Variants in FCHO1 observed in about 807,000 individuals in gnomAD.
The protein encoded by FCHO1 is F-BAR domain only protein 1.
Under a neutral mutation model 114.4 loss-of-function variants are expected in FCHO1, and 45 were observed. That is an observed-to-expected ratio of 0.39 (90% CI 0.31 to 0.50). The LOEUF (loss-of-function observed/expected upper bound fraction) is 0.50, where lower values mean the gene tolerates loss of function less well. Ranked by LOEUF, FCHO1 falls within the 20% of genes least tolerant of loss-of-function variation. The pLI is 0.77. For missense variants in FCHO1, 1,042 were observed against 1,209.6 expected (o/e 0.86, Z 2.06); for synonymous variants, 480 against 488.9 (o/e 0.98, Z 0.24).
Position 17,753,235 on chromosome 19 carries a change from G to T in FCHO1, c.-182-1082G>T, listed in dbSNP as rs557573138. ...TAGGGCTTTTCCCCTAGGGATGTCA[G>T]TGTAGCATGCTCACCACCCTACCCC... On this transcript the variant is annotated intron_variant, in intron 1 of 28. Transcript: ENST00000596536. 1.4e-4 allele frequency among the ~76,000 whole-genome samples: 21 copies of T among 152,348 alleles called. No individual in the cohort carries two copies. In the East Asian group the frequency reaches 3.9e-3, roughly 28 times the overall value.
chr19:17,781,495 G>T lies in FCHO1; in HGVS notation c.1784G>T (p.Ser595Ile), dbSNP rs751315326. 5 of 1,614,042 alleles carry T rather than the reference G, an allele frequency of 3.1e-6. No individual in the cohort carries two copies. The highest frequency in any genetic ancestry group is 4.2e-6 in the Non-Finnish European group (5 of 1,180,010). Reference protein sequence around the residue: ...SPSPLGSSAASTALERPSFLS... With the variant: ...SPSPLGSSAAITALERPSFLS... ...TCCCCACTGGGCTCTTCAGCCGCCA[G>T]CACTGCCTTGGAACGGCCCAGCTTC... The change falls in exon 22 of 29, where the codon AGC becomes ATC. Residue 595 changes from serine (S) to isoleucine (I), a missense_variant. Transcript: ENST00000596536.
In FCHO1 at chr19:17,784,163, C is replaced by T. The variant is rs759256252; in HGVS notation, c.2154C>T (p.Thr718=). 64 of 1,613,932 alleles carry T rather than the reference C, an allele frequency of 4.0e-5. No individual in the cohort carries two copies. The highest frequency in any genetic ancestry group is 3.6e-4 in the South Asian group (33 of 91,086). ...KDFWLNMAAL[T]EALQRQAEQN... is the part of the protein sequence containing the mutation. ...TCTGGCTCAACATGGCAGCTCTGAC[C>T]GAAGCCCTGCAGCGCCAGGCAGAGC... Residue 718 remains threonine, a synonymous_variant, in exon 25 of 29, where the codon ACC becomes ACT. Transcript: ENST00000596536. This position sits in a 1 kb window ranked among gnomAD's most constrained non-coding sequence, Gnocchi z 5.3.
intron 4 of FCHO1, among the ~76,000 whole-genome samples, chr19:17,757,915 CAAAA>C (rs71162192): frequency 2.1e-4 from 16 of 77,900 alleles, no homozygotes; most frequent in African/African-American, 4.1e-4. Context: ...GACCCTGTCT[CAAAA>C]AAAAAAAAAA....
At position 17,787,671 on chromosome 19, in the gene FCHO1, G is replaced by T; in HGVS notation, c.2483-11G>T. Reference sequence around the variant, plus strand: ...TGGTGCCAGGGCGCAGCTGACTGCAGGTCTCCCCAGGTTCTGGCCGCCTCT... The same window carrying T: ...TGGTGCCAGGGCGCAGCTGACTGCATGTCTCCCCAGGTTCTGGCCGCCTCT... On this transcript the variant is annotated splice_polypyrimidine_tract_variant and intron_variant, in intron 27 of 28. Coordinates refer to ENST00000596536, the MANE Select transcript of FCHO1 (RefSeq NM_015122.3). The T allele has an allele frequency of 1.9e-6, 3 of 1,548,644 alleles. No individual in the cohort carries two copies. The South Asian group carries it at 3.6e-5, about 18-fold the overall frequency.
Position 17,775,192 on chromosome 19 carries a change from G to T in FCHO1, c.945+112G>T. 1 of 1,242,226 alleles carries T rather than the reference G, an allele frequency of 8.1e-7. No homozygotes were observed. 77.0% of individuals were successfully genotyped at this position (1,242,226 alleles called of 1,614,324 possible). A position where few individuals can be genotyped will look rare whatever the true frequency, so the allele number is the denominator to read the frequency against. On this transcript the variant is annotated intron_variant, in intron 14 of 28. Coordinates refer to ENST00000596536, the MANE Select transcript of FCHO1 (RefSeq NM_015122.3). This position sits in a 1 kb window ranked among gnomAD's most constrained non-coding sequence, Gnocchi z 5.1. Reference sequence around the variant, plus strand: ...GAAACTAAAGAGCCGAGATTGAGGGGCGGGCTGGAGCCTGGGGGCTGGGTT... The same window carrying T: ...GAAACTAAAGAGCCGAGATTGAGGGTCGGGCTGGAGCCTGGGGGCTGGGTT...
At chr19:17,765,068 A>G (rs2088287236) in intron 6 of FCHO1, among the ~76,000 whole-genome samples, 1 of 147,092 alleles carries the variant, frequency 6.8e-6, no homozygotes, top group African/African-American at 2.5e-5. Flanking sequence ...TCTGTTTTGA[A>G]AAAAAAAAAA....
At chr19:17,750,822 C>CTTTTTTT (rs1326515643), upstream of FCHO1, among the ~76,000 whole-genome samples, 3 of 143,788 alleles carry the variant, frequency 2.1e-5, no homozygotes, top group African/African-American at 2.6e-5. Context: ...CTTCCCCTTT[C>CTTTTTTT]TTTTCTTTTT....
At chr19:17,757,365 G>A (rs901486622) in intron 4 of FCHO1, among the ~76,000 whole-genome samples, 2 of 152,132 alleles carry the variant, frequency 1.3e-5, no homozygotes, top group Non-Finnish European at 1.5e-5. Context: ...CGGGCCAGCA[G>A]TTGGCTCTGA....
intron 27 of FCHO1, among the ~76,000 whole-genome samples, 192 bp from the exon 28 acceptor site, chr19:17,787,490 G>T (rs1044966983): frequency 6.6e-5 from 10 of 152,160 alleles, no homozygotes; most frequent in Non-Finnish European, 1.3e-4. Flanking sequence ...AGGCCCTGAG[G>T]CAGGACTCCC....
At chr19:17,750,261 T>TCCCAAGTC (rs2081566641), upstream of FCHO1, among the ~76,000 whole-genome samples, 1 of 152,158 alleles carries the variant, frequency 6.6e-6, no homozygotes, top group African/African-American at 2.4e-5. Flanking sequence ...ACTTGGGTTC[T>TCCCAAGTC]AGCAGGGCTG....
At position 17,788,360 on chromosome 19, in the gene FCHO1, AC is replaced by A. The variant is rs2147615008; in HGVS notation, c.*59del. Reference sequence around the variant, plus strand: ...CACTGCGCCCTGGTGCTGGCTGACCACCCCCTGCCCTCCTGCCGGACCCTGG... The same window carrying A: ...CACTGCGCCCTGGTGCTGGCTGACCACCCCTGCCCTCCTGCCGGACCCTGG... On this transcript the variant is annotated 3_prime_UTR_variant, in exon 29 of 29. Transcript: ENST00000596536. The A allele has an allele frequency of 6.3e-6, 9 of 1,429,052 alleles. No individual in the cohort carries two copies. The highest frequency in any genetic ancestry group is 7.7e-6 in the Non-Finnish European group (8 of 1,032,852). The allele number at this position is 1,429,052 out of a possible 1,614,324, so 88.5% of individuals were successfully genotyped here.
At chr19:17,768,393 A>G (rs902152045) in intron 7 of FCHO1, among the ~76,000 whole-genome samples, 10 of 150,890 alleles carry the variant, frequency 6.6e-5, no homozygotes, top group African/African-American at 2.4e-4. Flanking sequence ...AATTTTTTGT[A>G]TAGAAGGGAT....
At chr19:17,750,963 T>A (rs567181419), upstream of FCHO1, among the ~76,000 whole-genome samples, 4 of 151,864 alleles carry the variant, frequency 2.6e-5, no homozygotes, top group African/African-American at 9.7e-5. Context: ...TGCCTCAGCC[T>A]CCTGAGTAGC....
Position 17,784,343 on chromosome 19 carries a change from T to C in FCHO1, c.2226+108T>C. ...GTTGGCCAGGCTGGTCTCGAATTCC[T>C]GACCTCAAGAGATCCAATCTGTGAG... On this transcript the variant is annotated intron_variant, in intron 25 of 28. Coordinates refer to ENST00000596536, the MANE Select transcript of FCHO1 (RefSeq NM_015122.3). The surrounding 1 kb of genome is among the most constrained non-coding windows in gnomAD (Gnocchi z 5.3). The C allele has an allele frequency of 7.3e-7, 1 of 1,371,444 alleles. No individual in the cohort carries two copies. The highest frequency in any genetic ancestry group is 9.9e-7 in the Non-Finnish European group (1 of 1,011,864). The allele number at this position is 1,371,444 out of a possible 1,614,324, so 85.0% of individuals were successfully genotyped here.
Position 17,764,425 on chromosome 19 carries a change from T to C in FCHO1, c.170T>C (p.Leu57Pro). The change falls in exon 6 of 29, where the codon CTG (leucine) becomes CCG (proline). Residue 57 changes from leucine to proline, a missense_variant. Around this residue, in one of 3 missense-constraint regions of FCHO1, gnomAD observed 450 missense variants for 564.1 expected, o/e 0.80. Coordinates refer to ENST00000596536, the MANE Select transcript of FCHO1 (RefSeq NM_015122.3). ...AAGGCGATGGCGAAACTCTCCAAGC[T>C]GGCCAGCAACGGGACCCCCATGGGG... is the stretch of plus-strand genomic sequence containing the variant. ...YSKAMAKLSK[L>P]ASNGTPMGTF... is the part of the protein sequence containing the mutation. 1 of 1,613,390 alleles carries C rather than the reference T, an allele frequency of 6.2e-7. No individual in the cohort carries two copies. The highest frequency in any genetic ancestry group is 8.5e-7 in the Non-Finnish European group (1 of 1,179,752).
rs1281154679 is a variant in FCHO1 at position 17,788,330 on chromosome 19, C to A, written c.*24C>A. 7 of 1,567,150 alleles carry A rather than the reference C, an allele frequency of 4.5e-6. No individual in the cohort carries two copies. The highest frequency in any genetic ancestry group is 3.6e-5 in the Admixed American group (2 of 56,232). Reference sequence around the variant, plus strand: ...GAACCCGCAAATGCTGCTGCCCCAGCTCTACACTGCGCCCTGGTGCTGGCT... The same window carrying A: ...GAACCCGCAAATGCTGCTGCCCCAGATCTACACTGCGCCCTGGTGCTGGCT... On this transcript the variant is annotated 3_prime_UTR_variant, in exon 29 of 29. Coordinates refer to ENST00000596536, the MANE Select transcript of FCHO1 (RefSeq NM_015122.3).
At chr19:17,787,204 A>G (rs2093979426) in intron 27 of FCHO1, among the ~76,000 whole-genome samples, 1 of 125,210 alleles carries the variant, frequency 8.0e-6, no homozygotes, top group African/African-American at 3.1e-5. Context: ...AGCCAGGGTG[A>G]CAGAGCGAGA....
rs567558421 is a variant in FCHO1 at position 17,780,559 on chromosome 19, G to A, written c.1628-672G>A. Among the ~76,000 whole-genome samples, 117 of 152,256 alleles carry A rather than the reference G, an allele frequency of 7.7e-4. 1 individual carries two copies. In the South Asian group the frequency reaches 0.023, roughly 30 times the overall value. On this transcript the variant is annotated intron_variant, in intron 20 of 28. Coordinates refer to ENST00000596536, the MANE Select transcript of FCHO1 (RefSeq NM_015122.3). ...TTTTGGTTGTCACCACCAGGCAGGA[G>A]TGGTGCTCCTGGCATTCAGTGGGTG... is the stretch of plus-strand genomic sequence containing the variant.
chr19:17,767,181 A>G (rs1281332216), intron 7 of FCHO1, among the ~76,000 whole-genome samples: 1 of 151,932 alleles, frequency 6.6e-6, no homozygotes, highest in African/African-American at 2.4e-5. Flanking sequence ...CTTGGGCTCA[A>G]GCGAACCTCC....
Sources: allele counts gnomAD v4.1 joint callset (sites outside exome capture counted in the v4.1 genomes callset), GRCh38; gene constraint gnomAD v4.1.1; regional missense constraint gnomAD v4.1.1; non-coding constraint Gnocchi (gnomAD v3.1); transcripts MANE v1.5; gene names NCBI Gene and HGNC (gene_info 2026-07-23, HGNC 2026-07-21).